The following RADX variants were observed in gnomAD, a reference collection of about 807,000 sequenced individuals.
The protein encoded by RADX is RPA1 related single stranded DNA binding protein, X-linked.
Under a neutral mutation model 61.6 loss-of-function variants are expected in RADX, and 36 were observed. The observed-to-expected ratio is 0.58, with a 90% CI of 0.45 to 0.77. RADX has a LOEUF of 0.77. Among genes scored for constraint, RADX ranks in the 30% least tolerant of loss-of-function variants. The pLI is 0.00. For missense variants in RADX, 497 were observed against 651.1 expected (o/e 0.76, Z 2.58); for synonymous variants, 272 against 237.9 (o/e 1.14, Z -1.32).
At chrX:106,613,162 T>A (rs1838213627) in intron 1 of RADX, among the ~76,000 whole-genome samples, 1 of 112,342 alleles carries the variant, frequency 8.9e-6, no homozygotes, top group Non-Finnish European at 1.9e-5. Context: ...ATTTGCGGGT[T>A]TGCATGTTTT....
intron 1 of RADX, among the ~76,000 whole-genome samples, chrX:106,615,781 T>C (rs1352952418): frequency 9.0e-6 from 1 of 111,266 alleles, no homozygotes; most frequent in Non-Finnish European, 1.9e-5. Flanking sequence ...TCAGTATTTG[T>C]TGAATAAAAG....
chrX:106,628,988 C>G (rs1228859706), intron 3 of RADX, among the ~76,000 whole-genome samples: 2 of 111,920 alleles, frequency 1.8e-5, no homozygotes, highest in Non-Finnish European at 3.8e-5. Context: ...GATGGAAATT[C>G]TATTGCAAAA....
Position 106,648,342 on chromosome X carries a change from TACAA to T in RADX, c.1940_1943del (p.Thr647ArgfsTer17), listed in dbSNP as rs1333308701. 1 of 1,199,759 alleles carries T rather than the reference TACAA, an allele frequency of 8.3e-7. No homozygotes were observed. The highest frequency in any genetic ancestry group is 1.1e-6 in the Non-Finnish European group (1 of 886,211). On this transcript the variant is annotated frameshift_variant, in exon 11 of 14. Coordinates refer to ENST00000372548, the MANE Select transcript of RADX (RefSeq NM_018015.6). LOFTEE classifies it high-confidence loss of function. ...GCTGTACCTCAACCAGGAGCTTCTG[TACAA>T]ACAAAGGGAATTAAACCGGGCATGC...
chrX:106,617,305 C>T (rs1603033693), intron 1 of RADX, among the ~76,000 whole-genome samples: 1 of 110,456 alleles, frequency 9.1e-6, no homozygotes, highest in African/African-American at 3.3e-5. Flanking sequence ...GGATTACAGC[C>T]GTGAGCCACT....
chrX:106,654,423 A>G (rs1374719600), intron 11 of RADX, among the ~76,000 whole-genome samples: 1 of 110,966 alleles, frequency 9.0e-6, no homozygotes, highest in Non-Finnish European at 1.9e-5. Flanking sequence ...GACCAGTGGA[A>G]CAGAACAGAG....
At chrX:106,651,885 T>G (rs1362482043) in intron 11 of RADX, among the ~76,000 whole-genome samples, 2 of 110,168 alleles carry the variant, frequency 1.8e-5, no homozygotes, top group African/African-American at 6.6e-5. Flanking sequence ...AAAAGCATGA[T>G]TAAGATAAAA....
intron 11 of RADX, among the ~76,000 whole-genome samples, chrX:106,652,150 A>G (rs1396883920): frequency 1.8e-5 from 2 of 111,456 alleles, no homozygotes; most frequent in African/African-American, 3.3e-5. Flanking sequence ...CATGCTACAT[A>G]TAAGAGACAC....
intron 11 of RADX, among the ~76,000 whole-genome samples, chrX:106,654,920 A>C (rs751805675): frequency 2.7e-5 from 3 of 111,811 alleles, no homozygotes; most frequent in Non-Finnish European, 5.6e-5. Flanking sequence ...ATCCAAGAGA[A>C]GGCAGGAAAA....
intron 2 of RADX, among the ~76,000 whole-genome samples, chrX:106,624,372 A>C (rs2147614291): frequency 8.9e-6 from 1 of 111,831 alleles, no homozygotes; most frequent in Admixed American, 9.5e-5. Flanking sequence ...CCCTGACTGT[A>C]GGGAAGAAGT....
chrX:106,645,926 G>A (rs1277412517), intron 10 of RADX, among the ~76,000 whole-genome samples: 2 of 110,509 alleles, frequency 1.8e-5, no homozygotes, highest in Non-Finnish European at 3.8e-5. Context: ...TATATATCTC[G>A]ATGCTCCAGT....
At chrX:106,620,267 A>C (rs1453840318) in intron 1 of RADX, among the ~76,000 whole-genome samples, 1 of 112,339 alleles carries the variant, frequency 8.9e-6, no homozygotes, top group Non-Finnish European at 1.9e-5. Context: ...TTTGGAAAAT[A>C]TAGTCATTTT....
At position 106,612,332 on chromosome X, in the gene RADX, C is replaced by A. The variant is rs753421133; in HGVS notation, c.252C>A (p.Arg84=). The A allele has an allele frequency of 8.3e-7, 1 of 1,209,799 alleles. No homozygotes were observed. Among genetic ancestry groups the A allele is most frequent in the Non-Finnish European group, 1.1e-6 (1 of 895,230 alleles). ...GGTACCTGTTAGAGGATGAGCCACGCGACACGGTGCCCAAGCCTCCCCTTT... is the reference window on the plus strand; with the variant it reads ...GGTACCTGTTAGAGGATGAGCCACGAGACACGGTGCCCAAGCCTCCCCTTT... ...VQRYLLEDEP[R]DTVPKPPLYC... Residue 84 remains arginine, a synonymous_variant, in exon 1 of 14, where the codon CGC becomes CGA. Transcript: ENST00000372548.
intron 3 of RADX, among the ~76,000 whole-genome samples, chrX:106,630,611 C>T (rs1025796835): frequency 9.0e-6 from 1 of 111,256 alleles, no homozygotes; most frequent in African/African-American, 3.3e-5. Context: ...GAAAAAATAA[C>T]ACAAAGTATT....
intron 12 of RADX, among the ~76,000 whole-genome samples, chrX:106,668,789 A>G (rs1178661523): frequency 1.8e-5 from 2 of 111,790 alleles, no homozygotes; most frequent in Non-Finnish European, 3.8e-5. Flanking sequence ...CAATAAGGGA[A>G]CGAATAGTCA....
intron 13 of RADX, among the ~76,000 whole-genome samples, chrX:106,671,434 T>C (rs1005382820): frequency 7.1e-5 from 8 of 112,130 alleles, no homozygotes; most frequent in African/African-American, 2.6e-4. Flanking sequence ...TTATGTGTTG[T>C]GTGTGTGTCA....
intron 11 of RADX, among the ~76,000 whole-genome samples, chrX:106,658,421 C>G (rs184086767): frequency 2.9e-4 from 32 of 111,656 alleles, no homozygotes; most frequent in African/African-American, 1.0e-3. Flanking sequence ...ATGCTGCAAC[C>G]ACCATTTGAG....
At position 106,625,153 on chromosome X, in the gene RADX, C is replaced by T. The variant is rs773699747; in HGVS notation, c.850C>T (p.Pro284Ser). Residue 284 changes from proline to serine, a missense_variant, in exon 3 of 14, where the codon CCT (proline) becomes TCT (serine). Physicochemically the swap from Pro to Ser is moderately conservative, Grantham distance 74. This residue lies in a region of RADX where 196 missense variants were observed against 315.0 expected (regional missense o/e 0.62). Coordinates refer to ENST00000372548, the MANE Select transcript of RADX (RefSeq NM_018015.6). ...AGTGATTATGTGGAATGCCCTGTGT[C>T]CTGAGTGGTATAAAAGTTTGCGGGT... ...VSVIMWNALC[P>S]EWYKSLRVGL... The T allele has an allele frequency of 8.3e-7, 1 of 1,207,952 alleles. No individual in the cohort carries two copies. Among genetic ancestry groups the T allele is most frequent in the South Asian group, 1.8e-5 (1 of 56,388 alleles).
At chrX:106,637,450 C>G (rs1429278210) in intron 7 of RADX, among the ~76,000 whole-genome samples, 2 of 111,926 alleles carry the variant, frequency 1.8e-5, no homozygotes, top group Non-Finnish European at 3.8e-5. Context: ...AAGATGTCAA[C>G]CATTTGGATG....
intron 2 of RADX, among the ~76,000 whole-genome samples, chrX:106,623,613 CAT>C (rs769098780): frequency 1.5e-4 from 16 of 109,033 alleles, no homozygotes; most frequent in South Asian, 7.7e-4. Context: ...ACAAGCATAT[CAT>C]ATATATATAT....
Sources: gnomAD v4.1 joint callset for allele counts (sites outside exome capture counted in the v4.1 genomes callset) on GRCh38, gnomAD v4.1.1 for gene constraint, gnomAD v4.1.1 regional missense constraint, MANE v1.5 for transcripts, NCBI Gene and HGNC (gene_info 2026-07-23, HGNC 2026-07-21) for gene names.